The following ERCC8 variants were observed in gnomAD, a reference collection of about 807,000 sequenced individuals.
The protein encoded by ERCC8 is ERCC excision repair 8, CSA ubiquitin ligase complex subunit.
ERCC8 carries 52 observed loss-of-function variants against 54.9 expected under a neutral mutation model. The ratio of observed to expected loss-of-function variants is 0.95; its 90% CI spans 0.76 to 1.19. The LOEUF is 1.19. Among genes scored for constraint, ERCC8 ranks in the 50% most tolerant of loss-of-function variants. ERCC8 has a pLI of 0.00. For synonymous variants in ERCC8, 146 were observed against 157.2 expected (o/e 0.93, Z 0.53); for missense variants, 514 against 466.1 (o/e 1.10, Z -0.95).
In ERCC8 at chr5:60,887,547, C is replaced by G. The variant is rs755161772; in HGVS notation, c.1042-27G>C. On this transcript the variant is annotated intron_variant, in intron 10 of 11. Coordinates refer to ENST00000676185, the MANE Select transcript of ERCC8 (RefSeq NM_000082.4). ...TATAACATAGAAGGCAAAGATGATA[C>G]TGTGGATCAAGAGCTGATATCAAAC... The G allele has an allele frequency of 5.3e-6, 8 of 1,520,654 alleles. No individual in the cohort carries two copies. In the Admixed American group the frequency reaches 1.2e-4, roughly 22 times the overall value. 94.2% of individuals were successfully genotyped at this position (1,520,654 alleles called of 1,614,324 possible).
intron 9 of ERCC8, chr5:60,893,649 A>T (rs1291484980): frequency 1.8e-6 from 1 of 559,484 alleles, no homozygotes; most frequent in Non-Finnish European, 3.3e-6. Flanking sequence ...GGGATCTGAG[A>T]AGAGAGAGTA....
intron 3 of ERCC8, among the ~76,000 whole-genome samples, chr5:60,921,002 G>A (rs967000895): frequency 2.0e-5 from 3 of 151,734 alleles, no homozygotes; most frequent in African/African-American, 7.2e-5. Context: ...TATTTGAGGC[G>A]ATATCTTGTT....
Position 60,945,053 on chromosome 5 carries a change from G to GA in ERCC8, c.-46dup. On this transcript the variant is annotated 5_prime_UTR_variant, in exon 1 of 12. Coordinates refer to ENST00000676185, the MANE Select transcript of ERCC8 (RefSeq NM_000082.4). Reference sequence around the variant, plus strand: ...TGGAGCACTGGACGTCGCCATGACAGAGCTCAGGGGCGGGACTGGAACAGC... The same window carrying GA: ...TGGAGCACTGGACGTCGCCATGACAGAAGCTCAGGGGCGGGACTGGAACAGC... 6.4e-7 allele frequency: 1 copy of GA among 1,551,620 alleles called. No individual in the cohort carries two copies. Among genetic ancestry groups the GA allele is most frequent in the Non-Finnish European group, 8.9e-7 (1 of 1,123,032 alleles).
In ERCC8 at chr5:60,882,260, G is replaced by A. The variant is rs114641973; in HGVS notation, c.1122+5180C>T. ...CAATGAAAACAGTAGAAAAAGTTAC[G>A]TGTTCCTAGTACATTTTCCAAGTAT... is the stretch of plus-strand genomic sequence containing the variant. On this transcript the variant is annotated intron_variant, in intron 11 of 11. Coordinates refer to ENST00000676185, the MANE Select transcript of ERCC8 (RefSeq NM_000082.4). 7.4e-3 allele frequency among the ~76,000 whole-genome samples: 1,134 copies of A among 152,248 alleles called. 11 individuals carry two copies. Among genetic ancestry groups the A allele is most frequent in the African/African-American group, 0.026 (1,079 of 41,540 alleles).
At chr5:60,937,528 G>C (rs1174189462) in intron 1 of ERCC8, among the ~76,000 whole-genome samples, 2 of 152,168 alleles carry the variant, frequency 1.3e-5, no homozygotes, top group Non-Finnish European at 2.9e-5. Flanking sequence ...GTTCCCAGGG[G>C]GATTATGGCT....
intron 4 of ERCC8, among the ~76,000 whole-genome samples, chr5:60,911,256 C>T (rs1749250737): frequency 6.6e-6 from 1 of 151,978 alleles, no homozygotes; most frequent in Non-Finnish European, 1.5e-5. Context: ...TCTCCAGCAT[C>T]TGTTGTGTCC....
At chr5:60,892,523 T>C in intron 9 of ERCC8, 1 of 609,062 alleles carries the variant, frequency 1.6e-6, no homozygotes, top group South Asian at 1.5e-5. Flanking sequence ...CAGTTTTGGC[T>C]GCCTGCTCCT....
chr5:60,896,821 C>A (rs1295132178), intron 9 of ERCC8, among the ~76,000 whole-genome samples: 1 of 152,066 alleles, frequency 6.6e-6, no homozygotes, highest in Non-Finnish European at 1.5e-5. Context: ...GGAATAGAAC[C>A]ACATGAACAA....
intron 1 of ERCC8, among the ~76,000 whole-genome samples, chr5:60,929,802 G>T (rs1749854991): frequency 6.6e-6 from 1 of 152,162 alleles, no homozygotes; most frequent in East Asian, 1.9e-4. Context: ...CTAGTACATT[G>T]TAAGTATCTA....
chr5:60,878,289 A>AT (rs1748081711), intron 11 of ERCC8, among the ~76,000 whole-genome samples: 1 of 152,028 alleles, frequency 6.6e-6, no homozygotes, highest in Non-Finnish European at 1.5e-5. Context: ...TTTATTAAGG[A>AT]TTTTTGCATT....
intron 1 of ERCC8, among the ~76,000 whole-genome samples, chr5:60,940,392 T>C (rs1315448552): frequency 1.3e-5 from 2 of 152,172 alleles, no homozygotes; most frequent in Non-Finnish European, 2.9e-5. Context: ...ATCCCTGTTG[T>C]TTATTGCCTC....
chr5:60,923,919 A>G (rs76810802), intron 2 of ERCC8, among the ~76,000 whole-genome samples: 3,662 of 152,252 alleles, frequency 0.024, 63 homozygotes, highest in Non-Finnish European at 0.037. Flanking sequence ...CATGATTTTT[A>G]TCGTAGTCAC....
intron 11 of ERCC8, among the ~76,000 whole-genome samples, chr5:60,877,439 G>A (rs1748048163): frequency 6.6e-6 from 1 of 152,116 alleles, no homozygotes; most frequent in Non-Finnish European, 1.5e-5. Flanking sequence ...GATGGGGATG[G>A]CATTGAATCT....
Position 60,872,520 on chromosome 5 carries a change from A to G in ERCC8, c.*2095T>C, listed in dbSNP as rs1747884257. Among the ~76,000 whole-genome samples, 1 of 152,216 alleles carries G rather than the reference A, an allele frequency of 6.6e-6. No homozygotes were observed. Among genetic ancestry groups the G allele is most frequent in the African/African-American group, 2.4e-5 (1 of 41,460 alleles). The stretch of plus-strand genomic sequence containing the variant: ...CTCAAAAGAAGACATGCAAATGGCC[A>G]GCAGATATATGAAAAAATTATCAAC... On this transcript the variant is annotated 3_prime_UTR_variant, in exon 12 of 12. Coordinates refer to ENST00000676185, the MANE Select transcript of ERCC8 (RefSeq NM_000082.4).
chr5:60,907,016 C>G (rs892656112), intron 4 of ERCC8, among the ~76,000 whole-genome samples: 2 of 152,234 alleles, frequency 1.3e-5, no homozygotes, highest in African/African-American at 4.8e-5. Context: ...TGAGCCCAGA[C>G]TTAGCCAATC....
intron 1 of ERCC8, among the ~76,000 whole-genome samples, chr5:60,938,504 C>T (rs1343934514): frequency 1.3e-5 from 2 of 152,082 alleles, no homozygotes; most frequent in African/African-American, 4.8e-5. Flanking sequence ...CAGGCGTGTG[C>T]CACCACACCC....
intron 11 of ERCC8, among the ~76,000 whole-genome samples, chr5:60,877,220 C>T (rs926292112): frequency 7.9e-5 from 12 of 152,080 alleles, no homozygotes; most frequent in Non-Finnish European, 1.3e-4. Flanking sequence ...GAGGGCTCTG[C>T]TCTGTTCCAT....
chr5:60,897,530 C>A (rs1442457328), intron 9 of ERCC8, among the ~76,000 whole-genome samples: 6 of 152,118 alleles, frequency 3.9e-5, no homozygotes, highest in Non-Finnish European at 8.8e-5. Context: ...AAATTATAAG[C>A]TTTTAGTAGT....
rs1385182542 is a variant in ERCC8 at position 60,867,808 on chromosome 5, T to A, written c.*6807A>T. Among the ~76,000 whole-genome samples, 2 of 152,216 alleles carry A rather than the reference T, an allele frequency of 1.3e-5. No individual in the cohort carries two copies. The highest frequency in any genetic ancestry group is 2.4e-5 in the African/African-American group (1 of 41,460). ...AGCTCTCATTTAGTACTGTTGCTAA[T>A]CCTTGCCACAATGGATGAAATGAAC... On this transcript the variant is annotated 3_prime_UTR_variant, in exon 12 of 12. Coordinates refer to ENST00000676185, the MANE Select transcript of ERCC8 (RefSeq NM_000082.4).
Sources: allele counts gnomAD v4.1 joint callset (sites outside exome capture counted in the v4.1 genomes callset), GRCh38; gene constraint gnomAD v4.1.1; transcripts MANE v1.5; gene names NCBI Gene and HGNC (gene_info 2026-07-23, HGNC 2026-07-21).